Variants in HS6ST3 observed in about 807,000 individuals in gnomAD.
HS6ST3 encodes the protein heparan sulfate 6-O-sulfotransferase 3, also known as heparan-sulfate 6-O-sulfotransferase 3.
A neutral mutation model predicts 36.7 loss-of-function variants in HS6ST3; 12 were observed. That is an observed-to-expected ratio of 0.33 (90% CI 0.21 to 0.53). HS6ST3 has a LOEUF of 0.53. Ranked by LOEUF, HS6ST3 falls within the 20% of genes least tolerant of loss-of-function variation. The pLI, the probability that HS6ST3 is intolerant of heterozygous loss-of-function variation, is 0.95. For synonymous variants in HS6ST3, 240 were observed against 257.5 expected, an observed-to-expected ratio of 0.93 and a Z score of 0.65; for missense variants, 584 against 640.9, an observed-to-expected ratio of 0.91 and a Z score of 0.96.
intron 1 of HS6ST3, among the ~76,000 whole-genome samples, chr13:96,432,813 T>G (rs2055621976): frequency 6.6e-6 from 1 of 152,240 alleles, no homozygotes; most frequent in East Asian, 1.9e-4. Flanking sequence ...AATAACTTTA[T>G]TATCATGTTG....
At chr13:96,362,697 C>T (rs1475011703) in intron 1 of HS6ST3, among the ~76,000 whole-genome samples, 1 of 152,186 alleles carries the variant, frequency 6.6e-6, no homozygotes, top group Non-Finnish European at 1.5e-5. Flanking sequence ...CAAAAACCTG[C>T]ACATGAATTT....
chr13:96,313,633 A>G (rs2054952736), intron 1 of HS6ST3, among the ~76,000 whole-genome samples: 1 of 152,124 alleles, frequency 6.6e-6, no homozygotes, highest in Non-Finnish European at 1.5e-5. Flanking sequence ...CTACAAATGT[A>G]ATGTCCCCCA....
intron 1 of HS6ST3, among the ~76,000 whole-genome samples, chr13:96,709,686 G>T (rs1480551019): frequency 1.3e-5 from 2 of 152,128 alleles, no homozygotes; most frequent in African/African-American, 2.4e-5. Context: ...AACCATGCTG[G>T]TGCCCTGATC....
intron 1 of HS6ST3, among the ~76,000 whole-genome samples, chr13:96,186,091 C>A (rs1021392870): frequency 1.3e-5 from 2 of 151,952 alleles, no homozygotes; most frequent in African/African-American, 2.4e-5. Context: ...TGTGTATATG[C>A]GTGTATATGT....
At chr13:96,692,749 A>T (rs1594837702) in intron 1 of HS6ST3, among the ~76,000 whole-genome samples, 1 of 152,296 alleles carries the variant, frequency 6.6e-6, no homozygotes, top group Non-Finnish European at 1.5e-5. Flanking sequence ...ACAAAAATGT[A>T]TATTTTTGCA....
intron 1 of HS6ST3, among the ~76,000 whole-genome samples, chr13:96,605,817 A>G (rs1473499049): frequency 6.6e-6 from 1 of 152,024 alleles, no homozygotes; most frequent in Admixed American, 6.6e-5. Flanking sequence ...AGAGTCAGAG[A>G]AAATATTCAC....
chr13:96,548,162 TC>T (rs1475170531), intron 1 of HS6ST3, among the ~76,000 whole-genome samples: 1 of 152,194 alleles, frequency 6.6e-6, no homozygotes, highest in African/African-American at 2.4e-5. Context: ...ATTTTCCAGT[TC>T]TTTTTGATTG....
At chr13:96,592,882 G>A (rs967201938) in intron 1 of HS6ST3, among the ~76,000 whole-genome samples, 2 of 151,892 alleles carry the variant, frequency 1.3e-5, no homozygotes, top group Non-Finnish European at 2.9e-5. Flanking sequence ...CTTGACCTTT[G>A]AGAGTGTGAT....
intron 1 of HS6ST3, among the ~76,000 whole-genome samples, chr13:96,423,075 G>A (rs1305503613): frequency 6.6e-6 from 1 of 152,034 alleles, no homozygotes; most frequent in East Asian, 1.9e-4. Context: ...TATTTTTCAG[G>A]AGCTCATATA....
chr13:96,311,098 A>G (rs2054938882), intron 1 of HS6ST3, among the ~76,000 whole-genome samples: 4 of 152,218 alleles, frequency 2.6e-5, no homozygotes, highest in Non-Finnish European at 5.9e-5. Flanking sequence ...GAATTTGATA[A>G]CTGGGTTTCT....
rs899997778 is a variant in HS6ST3, at chr13:96,837,425, A to G, written c.*4227A>G. 2.0e-5 allele frequency: 3 copies of G among 152,204 alleles called. No homozygotes were observed. The highest frequency in any genetic ancestry group is 4.4e-5 in the Non-Finnish European group (3 of 68,034). The allele number at this position is 152,204 out of a possible 1,614,324, so 9.4% of individuals were successfully genotyped here. On this transcript the variant is annotated 3_prime_UTR_variant, in exon 2 of 2. Coordinates refer to ENST00000376705, the MANE Select transcript of HS6ST3 (RefSeq NM_153456.4). ...GTCAGATATGTTGAAAGATTTCCCA[A>G]CGACTCTAATTTATGAGCAAGAAAG...
Position 96,621,186 on chromosome 13 carries a change from G to A in HS6ST3, c.708-211304G>A, listed in dbSNP as rs569900053. ...GTTCCATGTTCTTAATGGGGCATGA[G>A]GGAACCTTGATATGGTTTGACTGTG... On this transcript the variant is annotated intron_variant, in intron 1 of 1. Coordinates refer to ENST00000376705, the MANE Select transcript of HS6ST3 (RefSeq NM_153456.4). Among the ~76,000 whole-genome samples the A allele has an allele frequency of 2.0e-5, 3 of 152,292 alleles. No homozygotes were observed. In the South Asian group the frequency reaches 6.2e-4, roughly 32 times the overall value.
At chr13:96,565,197 G>T (rs1374559276) in intron 1 of HS6ST3, among the ~76,000 whole-genome samples, 1 of 152,088 alleles carries the variant, frequency 6.6e-6, no homozygotes, top group Non-Finnish European at 1.5e-5. Flanking sequence ...AGGAGAGGAG[G>T]CAATAGCTGA....
At chr13:96,312,941 G>A (rs1275745006) in intron 1 of HS6ST3, among the ~76,000 whole-genome samples, 1 of 103,076 alleles carries the variant, frequency 9.7e-6, no homozygotes, top group Non-Finnish European at 1.7e-5. Context: ...GACAGAGTGA[G>A]ACCCTGTCTC....
intron 1 of HS6ST3, among the ~76,000 whole-genome samples, chr13:96,714,620 C>G (rs997886643): frequency 1.2e-4 from 18 of 152,182 alleles, no homozygotes; most frequent in African/African-American, 3.9e-4. Context: ...ATTCCCTACT[C>G]TCTAGCAACT....
chr13:96,192,846 TATTAA>T (rs910019249), intron 1 of HS6ST3, among the ~76,000 whole-genome samples: 1 of 151,238 alleles, frequency 6.6e-6, no homozygotes, highest in Admixed American at 6.6e-5. Flanking sequence ...TATAGAAATA[TATTAA>T]ATTAGAATGA....
intron 1 of HS6ST3, among the ~76,000 whole-genome samples, chr13:96,174,364 A>T (rs1395899634): frequency 6.6e-6 from 1 of 152,004 alleles, no homozygotes; most frequent in Non-Finnish European, 1.5e-5. Flanking sequence ...TTTATCTCAC[A>T]CATCTTTCCC....
At position 96,834,315 on chromosome 13, in the gene HS6ST3, G is replaced by A. The variant is rs1196522917; in HGVS notation, c.*1117G>A. 3 of 152,180 alleles carry A rather than the reference G, an allele frequency of 2.0e-5. No homozygotes were observed. Among genetic ancestry groups the A allele is most frequent in the African/African-American group, 7.2e-5 (3 of 41,450 alleles). 9.4% of individuals were successfully genotyped at this position (152,180 alleles called of 1,614,324 possible). A position where few individuals can be genotyped will look rare whatever the true frequency, so the allele number is the denominator to read the frequency against. ...AGGAGACATGGAATACCATTCATGGGATGGTTATCACAGGAGTTTAGAAAG... is the reference window on the plus strand; with the variant it reads ...AGGAGACATGGAATACCATTCATGGAATGGTTATCACAGGAGTTTAGAAAG... On this transcript the variant is annotated 3_prime_UTR_variant, in exon 2 of 2. Coordinates refer to ENST00000376705, the MANE Select transcript of HS6ST3 (RefSeq NM_153456.4).
chr13:96,562,619 T>G (rs551538961), intron 1 of HS6ST3, among the ~76,000 whole-genome samples: 1 of 152,174 alleles, frequency 6.6e-6, no homozygotes, highest in Non-Finnish European at 1.5e-5. Context: ...ACCATTCAGA[T>G]TTTTAAAATC....
Sources: allele counts gnomAD v4.1 joint callset (sites outside exome capture counted in the v4.1 genomes callset), GRCh38; gene constraint gnomAD v4.1.1; transcripts MANE v1.5; gene names NCBI Gene and HGNC (gene_info 2026-07-23, HGNC 2026-07-21).